The following PSMD1 variants were observed in gnomAD, a reference collection of about 807,000 sequenced individuals.
PSMD1 encodes the protein 26S proteasome non-ATPase regulatory subunit 1.
In PSMD1, 18 loss-of-function variants were observed where a neutral mutation model predicts 119.0. That is an observed-to-expected ratio of 0.15 (90% CI 0.10 to 0.22). The LOEUF is 0.22. PSMD1 is among the 10% of genes least tolerant of loss of function. The probability of loss-of-function intolerance (pLI) is 1.00; values close to 1 mark genes in which losing one functional copy is unlikely to be tolerated. For missense variants in PSMD1, 702 were observed against 1,158.5 expected, an observed-to-expected ratio of 0.61 and a Z score of 5.72; for synonymous variants, 374 against 396.6, an observed-to-expected ratio of 0.94 and a Z score of 0.68.
chr2:231,111,766 C>A (rs898066033), intron 16 of PSMD1, among the ~76,000 whole-genome samples: 1 of 152,148 alleles, frequency 6.6e-6, no homozygotes, highest in Non-Finnish European at 1.5e-5. Flanking sequence ...CTCTAGGTTT[C>A]TTTTTTCTTA....
intron 16 of PSMD1, among the ~76,000 whole-genome samples, chr2:231,115,168 G>A (rs917976357): frequency 6.6e-6 from 1 of 151,512 alleles, no homozygotes. Flanking sequence ...CCTGGGGGTG[G>A]AGAGAGATTA....
chr2:231,159,698 T>G (rs1696589486), intron 19 of PSMD1, among the ~76,000 whole-genome samples: 2 of 152,212 alleles, frequency 1.3e-5, no homozygotes, highest in African/African-American at 4.8e-5. Flanking sequence ...ATCTTAGCTC[T>G]AGTTCACTGG....
At chr2:231,079,738 T>A in intron 11 of PSMD1, 124 bp downstream of exon 11, 1 of 587,562 alleles carries the variant, frequency 1.7e-6, no homozygotes, top group South Asian at 3.4e-5. Context: ...ATAAGTCATT[T>A]TGTGGAGAAG....
chr2:231,136,532 T>C (rs1695969416), intron 16 of PSMD1, among the ~76,000 whole-genome samples: 1 of 152,260 alleles, frequency 6.6e-6, no homozygotes, highest in African/African-American at 2.4e-5. Flanking sequence ...ACCTGTCTTG[T>C]TCACAGGTAT....
At chr2:231,077,218 T>C (rs1397537247) in intron 9 of PSMD1, 56 bp downstream of exon 9, 3 of 1,134,266 alleles carry the variant, frequency 2.6e-6, no homozygotes, top group Non-Finnish European at 3.6e-6. Flanking sequence ...CTTTGTTGCA[T>C]ATAAGTAATT....
In PSMD1 at chr2:231,062,595, A is replaced by G; in HGVS notation, c.224A>G (p.Glu75Gly). Residue 75 changes from glutamate to glycine, a missense_variant, in exon 4 of 25, where the codon GAG becomes GGG. Physicochemically the swap from Glu to Gly is moderately conservative, Grantham distance 98 (BLOSUM62 -2). This residue lies in a region of PSMD1 where 60 missense variants were observed against 118.2 expected (regional missense o/e 0.51). Coordinates refer to ENST00000308696, the MANE Select transcript of PSMD1 (RefSeq NM_002807.4). ...SKVFYHLGAFEESLNYALGAG... is the reference protein window; with the variant it reads ...SKVFYHLGAFGESLNYALGAG... The stretch of plus-strand genomic sequence containing the variant: ...GTATTTTATCACCTGGGGGCTTTTG[A>G]GGAGTCTCTGAATTATGCTCTTGGA... 1 of 1,613,568 alleles carries G rather than the reference A, an allele frequency of 6.2e-7. No individual in the cohort carries two copies. Among genetic ancestry groups the G allele is most frequent in the Non-Finnish European group, 8.5e-7 (1 of 1,179,818 alleles).
At chr2:231,155,454 T>G (rs965397385) in intron 19 of PSMD1, among the ~76,000 whole-genome samples, 1 of 152,054 alleles carries the variant, frequency 6.6e-6, no homozygotes, top group African/African-American at 2.4e-5. Context: ...ATACCACAGT[T>G]TTCAGAGTCC....
At chr2:231,169,326 A>T (rs1696859073) in intron 23 of PSMD1, among the ~76,000 whole-genome samples, 1 of 152,134 alleles carries the variant, frequency 6.6e-6, no homozygotes, top group Non-Finnish European at 1.5e-5. Context: ...TAGGAGATTC[A>T]TCTCCATTTG....
intron 16 of PSMD1, among the ~76,000 whole-genome samples, chr2:231,120,322 C>A (rs572771311): frequency 1.3e-5 from 2 of 152,270 alleles, no homozygotes; most frequent in East Asian, 3.9e-4. Flanking sequence ...TGGTGAACAT[C>A]CTGTCTTTTT....
chr2:231,103,848 G>C (rs1382807354), intron 16 of PSMD1, among the ~76,000 whole-genome samples: 1 of 152,082 alleles, frequency 6.6e-6, no homozygotes. Flanking sequence ...TTTCCTTCCT[G>C]TTATCTTAGC....
chr2:231,105,343 T>G (rs547125574), intron 16 of PSMD1, among the ~76,000 whole-genome samples: 1 of 152,286 alleles, frequency 6.6e-6, no homozygotes, highest in African/African-American at 2.4e-5. Context: ...TGTTAGTACT[T>G]TCAAAGGCAG....
At chr2:231,129,567 A>C (rs935428517) in intron 16 of PSMD1, among the ~76,000 whole-genome samples, 6 of 152,240 alleles carry the variant, frequency 3.9e-5, no homozygotes, top group African/African-American at 1.4e-4. Context: ...GATGACAACA[A>C]ATAAATTCTC....
intron 16 of PSMD1, among the ~76,000 whole-genome samples, chr2:231,093,080 G>T (rs1306344416): frequency 1.3e-5 from 2 of 152,148 alleles, no homozygotes; most frequent in African/African-American, 4.8e-5. Context: ...TTGGGAAGGG[G>T]GTGTCTGCCC....
intron 16 of PSMD1, among the ~76,000 whole-genome samples, chr2:231,088,866 CA>C (rs1181671651): frequency 1.3e-5 from 2 of 152,080 alleles, no homozygotes; most frequent in African/African-American, 4.8e-5. Context: ...CAAGATAGAC[CA>C]AAGGTAGGCC....
At chr2:231,157,430 CTT>C (rs756874279) in intron 19 of PSMD1, among the ~76,000 whole-genome samples, 1 of 128,882 alleles carries the variant, frequency 7.8e-6, no homozygotes, top group African/African-American at 2.8e-5. Flanking sequence ...TTTTCTTTTT[CTT>C]TTTTTTTTTT....
chr2:231,078,178 G>C (rs1323465067), intron 9 of PSMD1, among the ~76,000 whole-genome samples: 4 of 152,178 alleles, frequency 2.6e-5, no homozygotes. Flanking sequence ...TGAGGCAGGA[G>C]AATCGCTTGA....
chr2:231,080,870 C>T lies in PSMD1; in HGVS notation c.1413+556C>T, dbSNP rs547383916. ...AAAAGATTGAAGCCAGGGCTGGGCACGGTGGCTCACGCCTGTAATTCCAGC... is the reference window on the plus strand; with the variant it reads ...AAAAGATTGAAGCCAGGGCTGGGCATGGTGGCTCACGCCTGTAATTCCAGC... On this transcript the variant is annotated intron_variant, in intron 12 of 24. Coordinates refer to ENST00000308696, the MANE Select transcript of PSMD1 (RefSeq NM_002807.4). Among the ~76,000 whole-genome samples the T allele has an allele frequency of 5.9e-5, 9 of 152,208 alleles. No homozygotes were observed. In the South Asian group the frequency reaches 6.2e-4, roughly 11 times the overall value.
intron 16 of PSMD1, among the ~76,000 whole-genome samples, chr2:231,096,099 C>T (rs573975048): frequency 3.3e-5 from 5 of 152,240 alleles, no homozygotes; most frequent in Admixed American, 6.5e-5. Flanking sequence ...CTAGCGGCTC[C>T]GTTCTTTCTA....
chr2:231,062,096 A>G (rs868070942), intron 2 of PSMD1, 152 bp from the exon 3 acceptor site: 7 of 561,264 alleles, frequency 1.2e-5, no homozygotes, highest in Non-Finnish European at 2.2e-5. Context: ...ACTCAAGAAA[A>G]AGTGTAAGTT....
Sources: gnomAD v4.1 joint callset for allele counts (sites outside exome capture counted in the v4.1 genomes callset) on GRCh38, gnomAD v4.1.1 for gene constraint, gnomAD v4.1.1 regional missense constraint, MANE v1.5 for transcripts, NCBI Gene and HGNC (gene_info 2026-07-23, HGNC 2026-07-21) for gene names.